The following SPART variants were observed in gnomAD, a reference collection of about 807,000 sequenced individuals.
SPART encodes spastic paraplegia 20 (Troyer syndrome).
Under a neutral mutation model 58.7 loss-of-function variants are expected in SPART, and 35 were observed. The ratio of observed to expected loss-of-function variants is 0.60; its 90% confidence interval spans 0.46 to 0.79. The LOEUF (loss-of-function observed/expected upper bound fraction) is 0.79. SPART is among the 30% of genes least tolerant of loss of function. The pLI, the probability that SPART is intolerant of heterozygous loss-of-function variation, is 0.00. For synonymous variants in SPART, 284 were observed against 280.7 expected (o/e 1.01, Z -0.12); for missense variants, 730 against 786.1 (o/e 0.93, Z 0.85).
In SPART at chr13:36,314,327, T is replaced by G. The variant is rs753967485; in HGVS notation, c.1383A>C (p.Gln461His). The G allele has an allele frequency of 1.2e-6, 2 of 1,614,192 alleles. No individual in the cohort carries two copies. The highest frequency in any genetic ancestry group is 1.7e-6 in the Non-Finnish European group (2 of 1,180,030). Reference sequence around the variant, plus strand: ...TAACTTCCACGGGTTTTTCTTCTGGTTGAATCCGCTCTCGGAGTTTAGAAG... The same window carrying G: ...TAACTTCCACGGGTTTTTCTTCTGGGTGAATCCGCTCTCGGAGTTTAGAAG... ...KGASKLRERI[Q>H]PEEKPVEVSP... The change falls in exon 6 of 9, where the codon CAA (glutamine) becomes CAC (histidine). Residue 461 changes from glutamine (Q) to histidine (H), a missense_variant. Transcript: ENST00000438666.
chr13:36,339,717 T>A (rs1212711813), intron 1 of SPART, among the ~76,000 whole-genome samples: 1 of 146,740 alleles, frequency 6.8e-6, no homozygotes, highest in Non-Finnish European at 1.5e-5. Context: ...ATGAAAGAAT[T>A]AAAGAAATAA....
At chr13:36,330,160 G>A (rs529596851) in intron 3 of SPART, among the ~76,000 whole-genome samples, 3 of 152,152 alleles carry the variant, frequency 2.0e-5, no homozygotes, top group Non-Finnish European at 4.4e-5. Context: ...TCCAGTTAAC[G>A]TAGGGGTGAA....
At chr13:36,366,089 A>T (rs1363239677) in intron 1 of SPART, among the ~76,000 whole-genome samples, 1 of 152,024 alleles carries the variant, frequency 6.6e-6, no homozygotes, top group East Asian at 1.9e-4. Flanking sequence ...CTGCTTAAAA[A>T]CCTTGAATGA....
In SPART at chr13:36,308,388, T is replaced by C. The variant is rs561890471; in HGVS notation, c.1734-3756A>G. 118 of 152,312 alleles carry C rather than the reference T, an allele frequency of 7.7e-4. 1 individual carries two copies. The highest frequency in any genetic ancestry group is 2.5e-3 in the African/African-American group (104 of 41,582). 9.4% of individuals were successfully genotyped at this position (152,312 alleles called of 1,614,324 possible). A position where few individuals can be genotyped will look rare whatever the true frequency, so the allele number is the denominator to read the frequency against. On this transcript the variant is annotated intron_variant, in intron 8 of 8. Coordinates refer to ENST00000438666, the MANE Select transcript of SPART (RefSeq NM_015087.5). The stretch of plus-strand genomic sequence containing the variant: ...ACTGAATCATCCTCATAGTTAGAAA[T>C]ACAAAGCTACTTAACTAAATTCTCA...
chr13:36,315,292 G>A (rs1369799714), intron 5 of SPART, among the ~76,000 whole-genome samples: 1 of 152,160 alleles, frequency 6.6e-6, no homozygotes, highest in African/African-American at 2.4e-5. Context: ...AAACATGTAA[G>A]AACAGTGTCC....
chr13:36,326,178 T>A (rs1486159450), intron 5 of SPART: 3 of 286,284 alleles, frequency 1.0e-5, no homozygotes, highest in African/African-American at 6.8e-5. Context: ...AACCATCACC[T>A]CAGGGGTTAG....
intron 5 of SPART, among the ~76,000 whole-genome samples, chr13:36,323,045 A>C (rs1882573674): frequency 1.3e-5 from 2 of 152,174 alleles, no homozygotes; most frequent in Admixed American, 6.5e-5. Context: ...ATAATCTTGG[A>C]GAAATCTTAG....
chr13:36,337,051 T>C lies in SPART; in HGVS notation c.-2-1219A>G, dbSNP rs536881847. The stretch of plus-strand genomic sequence containing the variant: ...GGAATCTCATGGCCTTTGGAAATGT[T>C]CTCTTGTTGATCTGAGTGATGACTA... On this transcript the variant is annotated intron_variant, in intron 1 of 8. Coordinates refer to ENST00000438666, the MANE Select transcript of SPART (RefSeq NM_015087.5). Among the ~76,000 whole-genome samples the C allele has an allele frequency of 5.3e-5, 8 of 152,328 alleles. No homozygotes were observed. In the South Asian group the frequency reaches 8.3e-4, roughly 16 times the overall value.
At chr13:36,352,057 A>G (rs982155973) in intron 1 of SPART, among the ~76,000 whole-genome samples, 1 of 152,184 alleles carries the variant, frequency 6.6e-6, no homozygotes, top group Non-Finnish European at 1.5e-5. Flanking sequence ...CTCGATGTAA[A>G]CTAAAACTCC....
intron 5 of SPART, among the ~76,000 whole-genome samples, chr13:36,316,015 A>G (rs1277452184): frequency 6.6e-6 from 1 of 152,230 alleles, no homozygotes. Context: ...GCAACAGAAG[A>G]TAAGGAAATG....
At chr13:36,321,141 AG>A (rs1882338892) in intron 5 of SPART, among the ~76,000 whole-genome samples, 2 of 152,190 alleles carry the variant, frequency 1.3e-5, no homozygotes, top group African/African-American at 4.8e-5. Context: ...TCGAGACACC[AG>A]ACCAACTTAG....
intron 3 of SPART, 37 bp downstream of exon 3, chr13:36,331,362 A>T: frequency 1.3e-6 from 2 of 1,577,840 alleles, no homozygotes; most frequent in Non-Finnish European, 1.7e-6. Flanking sequence ...ATGTTAAAGT[A>T]GATTTTTTTC....
chr13:36,346,154 T>G (rs1885090330), intron 1 of SPART, 71 bp downstream of exon 1: 1 of 151,502 alleles, frequency 6.6e-6, no homozygotes, highest in East Asian at 2.0e-4. Flanking sequence ...CCCAGCCGAG[T>G]CCGCGGGGCC....
At position 36,344,227 on chromosome 13, in the gene SPART, A is replaced by G. The variant is rs556028937; in HGVS notation, c.-3+1998T>C. 4.6e-5 allele frequency among the ~76,000 whole-genome samples: 7 copies of G among 152,294 alleles called. No homozygotes were observed. The South Asian group carries it at 1.2e-3, about 27-fold the overall frequency. ...TCTTCAATAGGTAGCATTTGAAAGTAGAAGCGAGGCATAATGAAGGAATAT... is the reference window on the plus strand; with the variant it reads ...TCTTCAATAGGTAGCATTTGAAAGTGGAAGCGAGGCATAATGAAGGAATAT... On this transcript the variant is annotated intron_variant, in intron 1 of 8. Coordinates refer to ENST00000438666, the MANE Select transcript of SPART (RefSeq NM_015087.5).
At chr13:36,310,186 C>A (rs1177951224) in intron 8 of SPART, among the ~76,000 whole-genome samples, 4 of 152,064 alleles carry the variant, frequency 2.6e-5, no homozygotes, top group Admixed American at 2.0e-4. Flanking sequence ...GATCACAGTG[C>A]CTAATACAAA....
intron 2 of SPART, among the ~76,000 whole-genome samples, chr13:36,331,970 T>C (rs1883505440): frequency 6.6e-6 from 1 of 152,240 alleles, no homozygotes; most frequent in Non-Finnish European, 1.5e-5. Context: ...TAAACTATTT[T>C]CAGATATTAT....
chr13:36,312,512 AAT>A, intron 6 of SPART, 35 bp from the exon 7 acceptor site: 2 of 1,600,804 alleles, frequency 1.2e-6, no homozygotes, highest in Non-Finnish European at 1.7e-6. Context: ...ACTTAGGAAA[AAT>A]ATATTATTCC....
intron 5 of SPART, among the ~76,000 whole-genome samples, chr13:36,317,377 G>C (rs1881821923): frequency 1.3e-5 from 2 of 151,938 alleles, no homozygotes; most frequent in African/African-American, 4.8e-5. Context: ...GGAGGGGCAA[G>C]TACCCCAACC....
chr13:36,317,614 C>T (rs1002248090), intron 5 of SPART, among the ~76,000 whole-genome samples: 4 of 151,520 alleles, frequency 2.6e-5, no homozygotes, highest in Non-Finnish European at 4.4e-5. Context: ...TGCGCCCCAA[C>T]CCCTTTTCTG....
Sources: gnomAD v4.1 joint callset for allele counts (sites outside exome capture counted in the v4.1 genomes callset) on GRCh38, gnomAD v4.1.1 for gene constraint, MANE v1.5 for transcripts, NCBI Gene and HGNC (gene_info 2026-07-23, HGNC 2026-07-21) for gene names.